LMNTD1: variants seen among roughly 807,000 people sequenced by gnomAD.
LMNTD1 encodes the protein lamin tail domain-containing protein 1.
In LMNTD1, 35 loss-of-function variants were observed where a neutral mutation model predicts 50.9. That is an observed-to-expected ratio of 0.69 (90% confidence interval 0.53 to 0.91). The LOEUF (loss-of-function observed/expected upper bound fraction) is 0.91. LMNTD1 is among the 40% of genes least tolerant of loss of function. The pLI is 0.00. For synonymous variants in LMNTD1, 153 were observed against 161.9 expected (o/e 0.94, Z 0.42); for missense variants, 470 against 475.5 (o/e 0.99, Z 0.11).
intron 1 of LMNTD1, among the ~76,000 whole-genome samples, chr12:25,581,192 A>C (rs1945268794): frequency 8.4e-6 from 1 of 118,504 alleles, no homozygotes; most frequent in Admixed American, 7.7e-5. Flanking sequence ...GCTGCTGAGA[A>C]ATGGTCATAT....
chr12:25,564,351 C>T (rs1402231113), intron 1 of LMNTD1, among the ~76,000 whole-genome samples: 3 of 152,300 alleles, frequency 2.0e-5, no homozygotes, highest in African/African-American at 7.2e-5. Context: ...CTCTGCCTTC[C>T]AGGTTCAAGA....
chr12:25,508,501 T>C (rs1039831555), intron 8 of LMNTD1, among the ~76,000 whole-genome samples: 12 of 152,184 alleles, frequency 7.9e-5, no homozygotes, highest in African/African-American at 2.7e-4. Flanking sequence ...ATGAACACAG[T>C]ATAATTTATT....
rs547602885 is a variant in LMNTD1, at chr12:25,570,022, G to T, written c.59-23468C>A. Among the ~76,000 whole-genome samples, 3 of 152,310 alleles carry T rather than the reference G, an allele frequency of 2.0e-5. No homozygotes were observed. The South Asian group carries it at 6.2e-4, about 32-fold the overall frequency. On this transcript the variant is annotated intron_variant, in intron 1 of 7. Coordinates refer to the LMNTD1 transcript ENST00000445693. ...TTTAGCAGTCAGATAATTGTCCAAA[G>T]CCACACAGCTGTAAAGTAGCAGAAC...
intron 1 of LMNTD1, among the ~76,000 whole-genome samples, chr12:25,580,276 A>T (rs914532547): frequency 6.6e-6 from 1 of 152,040 alleles, no homozygotes; most frequent in African/African-American, 2.4e-5. Flanking sequence ...TGATGTTTTC[A>T]TGTATCTCTA....
intron 4 of LMNTD1, among the ~76,000 whole-genome samples, chr12:25,539,983 G>C (rs1433750064): frequency 6.6e-4 from 94 of 142,172 alleles, no homozygotes; most frequent in African/African-American, 9.7e-4. Context: ...AGAAGAAATG[G>C]ATAAATTCCT....
intron 1 of LMNTD1, among the ~76,000 whole-genome samples, chr12:25,598,154 A>C (rs1945881690): frequency 6.6e-6 from 1 of 152,150 alleles, no homozygotes; most frequent in Non-Finnish European, 1.5e-5. Flanking sequence ...TGAGGCCATG[A>C]AACATCTTTC....
At chr12:25,604,349 A>T (rs892393517) in intron 1 of LMNTD1, among the ~76,000 whole-genome samples, 1 of 151,940 alleles carries the variant, frequency 6.6e-6, no homozygotes, top group Admixed American at 6.6e-5. Flanking sequence ...TTATTTTTAA[A>T]ATTTTATTAT....
At chr12:25,566,235 C>T (rs1944552515) in intron 1 of LMNTD1, among the ~76,000 whole-genome samples, 1 of 152,086 alleles carries the variant, frequency 6.6e-6, no homozygotes, top group Non-Finnish European at 1.5e-5. Flanking sequence ...CTTAGAATTG[C>T]CCTTTCAAGT....
Position 25,526,934 on chromosome 12 carries a change from T to A in LMNTD1, c.513A>T (p.Ile171=), listed in dbSNP as rs1201328509. ...ACAAACCCTTGACATTCACTTCAGC[T>A]ATTTCAACATCTCCAAGAGAACTAG... is the stretch of plus-strand genomic sequence containing the variant. The part of the protein sequence containing the change: ...FTSSSLGDVE[I]AEVNVKGLFV... Residue 171 remains isoleucine, a synonymous_variant, in exon 5 of 10, where the codon ATA becomes ATT. Transcript: ENST00000458174. The A allele has an allele frequency of 6.2e-7, 1 of 1,607,202 alleles. No homozygotes were observed. Among genetic ancestry groups the A allele is most frequent in the African/African-American group, 1.3e-5 (1 of 74,618 alleles).
intron 6 of LMNTD1, among the ~76,000 whole-genome samples, chr12:25,525,713 T>G (rs1275584098): frequency 6.6e-6 from 1 of 151,944 alleles, no homozygotes; most frequent in Admixed American, 6.6e-5. Flanking sequence ...TCGGGTGAGC[T>G]AAGAGGATGG....
intron 4 of LMNTD1, among the ~76,000 whole-genome samples, chr12:25,542,521 T>C (rs866302860): frequency 2.4e-5 from 3 of 125,316 alleles, no homozygotes; most frequent in African/African-American, 9.3e-5. Flanking sequence ...AATTGAACAA[T>C]GAGATCACAT....
intron 1 of LMNTD1, among the ~76,000 whole-genome samples, chr12:25,561,287 T>C (rs1000039449): frequency 3.3e-5 from 5 of 152,358 alleles, no homozygotes; most frequent in African/African-American, 1.2e-4. Context: ...TTTAGTGCTA[T>C]AAATTTCCCT....
At chr12:25,523,064 T>A (rs1941446609) in intron 6 of LMNTD1, among the ~76,000 whole-genome samples, 1 of 152,202 alleles carries the variant, frequency 6.6e-6, no homozygotes, top group East Asian at 1.9e-4. Context: ...AGACAGAGTC[T>A]TACTCTTCGC....
At chr12:25,598,070 C>T (rs1316689245) in intron 1 of LMNTD1, among the ~76,000 whole-genome samples, 1 of 152,050 alleles carries the variant, frequency 6.6e-6, no homozygotes, top group African/African-American at 2.4e-5. Flanking sequence ...TTGCCTGCCA[C>T]CATGTAAGAC....
In LMNTD1 at chr12:25,515,606, A is replaced by G. The variant is rs1162140870; in HGVS notation, c.1189+3189T>C. 3.3e-5 allele frequency among the ~76,000 whole-genome samples: 5 copies of G among 152,266 alleles called. No homozygotes were observed. The East Asian group carries it at 9.6e-4, about 29-fold the overall frequency. On this transcript the variant is annotated intron_variant, in intron 8 of 9. Coordinates refer to ENST00000458174, the MANE Select transcript of LMNTD1 (RefSeq NM_001145728.2). ...TGTGAAACAATACAATAAAATATTAACATGCATTCATTCTGCATGATTAAT... is the reference window on the plus strand; with the variant it reads ...TGTGAAACAATACAATAAAATATTAGCATGCATTCATTCTGCATGATTAAT...
At chr12:25,545,895 A>G (rs1591979207) in intron 4 of LMNTD1, among the ~76,000 whole-genome samples, 1 of 151,702 alleles carries the variant, frequency 6.6e-6, no homozygotes, top group African/African-American at 2.4e-5. Flanking sequence ...TTATATTAAT[A>G]TAAATGAATT....
At chr12:25,538,135 G>T (rs11048091) in intron 4 of LMNTD1, among the ~76,000 whole-genome samples, 8,933 of 45,554 alleles carry the variant, frequency 0.2, 1,609 homozygotes, top group Middle Eastern at 0.36. Flanking sequence ...TGGAACCAAG[G>T]TGGAAAACAC....
At chr12:25,592,542 A>G (rs1945729821) in intron 1 of LMNTD1, 1 of 152,216 alleles carries the variant, frequency 6.6e-6, no homozygotes, top group Admixed American at 6.5e-5. Context: ...AGGGTAGAGG[A>G]AGCAGCGGGA....
chr12:25,589,594 G>T (rs1945637032), intron 1 of LMNTD1, among the ~76,000 whole-genome samples: 2 of 152,112 alleles, frequency 1.3e-5, no homozygotes, highest in Admixed American at 1.3e-4. Context: ...TATACTTTAT[G>T]TATACTTTTC....
Sources: allele counts gnomAD v4.1 joint callset (sites outside exome capture counted in the v4.1 genomes callset), GRCh38; gene constraint gnomAD v4.1.1; transcripts MANE v1.5; gene names NCBI Gene and HGNC (gene_info 2026-07-23, HGNC 2026-07-21).